LNPK: variants seen among roughly 807,000 people sequenced by gnomAD.
The protein encoded by LNPK is lunapark, ER junction formation factor, also known as endoplasmic reticulum junction formation protein lunapark.
A neutral mutation model predicts 55.2 loss-of-function variants in LNPK; 29 were observed. The ratio of observed to expected loss-of-function variants is 0.53; its 90% CI spans 0.39 to 0.72. LNPK has a LOEUF of 0.72. LNPK is among the 30% of genes least tolerant of loss of function. LNPK has a pLI of 0.00. For missense variants in LNPK, 467 were observed against 494.8 expected (o/e 0.94, Z 0.53); for synonymous variants, 162 against 168.2 (o/e 0.96, Z 0.29).
At chr2:175,985,123 T>A (rs1311059644) in intron 4 of LNPK, among the ~76,000 whole-genome samples, 2 of 152,214 alleles carry the variant, frequency 1.3e-5, no homozygotes, top group Non-Finnish European at 2.9e-5. Flanking sequence ...TGTGAGTCCA[T>A]CTTATAACAT....
chr2:175,989,106 T>G (rs1687573553), intron 4 of LNPK, among the ~76,000 whole-genome samples: 1 of 152,176 alleles, frequency 6.6e-6, no homozygotes, highest in South Asian at 2.1e-4. Context: ...TAGTGTATCA[T>G]GAAATAAACA....
intron 1 of LNPK, 42 bp from the exon 2 acceptor site, chr2:175,995,688 C>T (rs767403218): frequency 5.5e-6 from 5 of 908,192 alleles, no homozygotes; most frequent in Non-Finnish European, 9.0e-6. Flanking sequence ...GTTAAACACA[C>T]AGCATACCCA....
At position 175,929,128 on chromosome 2, in the gene LNPK, G is replaced by T. The variant is rs1033582510; in HGVS notation, c.*839C>A. The T allele has an allele frequency of 1.0e-6, 1 of 984,362 alleles. No individual in the cohort carries two copies. Among genetic ancestry groups the T allele is most frequent in the African/African-American group, 1.7e-5 (1 of 57,228 alleles). 61.0% of individuals were successfully genotyped at this position (984,362 alleles called of 1,614,324 possible). A position where few individuals can be genotyped will look rare whatever the true frequency, so the allele number is the denominator to read the frequency against. On this transcript the variant is annotated 3_prime_UTR_variant, in exon 13 of 13. Transcript: ENST00000272748. ...ATTTAGCAAAATGAAACTGATGCCA[G>T]ATTATTTTCATTTTCCTTAATAAAA... is the stretch of plus-strand genomic sequence containing the variant.
chr2:175,974,990 A>C (rs1485659344), intron 5 of LNPK, among the ~76,000 whole-genome samples: 1 of 147,620 alleles, frequency 6.8e-6, no homozygotes, highest in Admixed American at 6.9e-5. Context: ...GTTCCAAAGG[A>C]CTCTTGAAAA....
intron 9 of LNPK, 26 bp from the exon 10 acceptor site, chr2:175,939,683 A>C (rs765993976): frequency 2.7e-6 from 3 of 1,114,300 alleles, no homozygotes; most frequent in Non-Finnish European, 3.9e-6. Flanking sequence ...ATACATACAA[A>C]ATTTATATAC....
intron 8 of LNPK, among the ~76,000 whole-genome samples, chr2:175,951,126 A>G (rs1259434068): frequency 6.6e-6 from 1 of 152,044 alleles, no homozygotes; most frequent in Non-Finnish European, 1.5e-5. Flanking sequence ...TTATGCTGCT[A>G]GAAGGTTTTG....
At chr2:175,979,483 G>T (rs921414200) in intron 5 of LNPK, among the ~76,000 whole-genome samples, 4 of 152,026 alleles carry the variant, frequency 2.6e-5, no homozygotes, top group Non-Finnish European at 5.9e-5. Flanking sequence ...CACTTGACCT[G>T]GGAGGCGGAG....
At position 175,964,398 on chromosome 2, in the gene LNPK, G is replaced by C. The variant is rs759163033; in HGVS notation, c.467C>G (p.Ala156Gly). ...TTGTCCAGGTCTTGCAGTTACAGCT[G>C]CTCCAGCAGATGGCGGCTCACACTC... ...AKECEPPSAG[A>G]AVTARPGQEI... The change falls in exon 8 of 13, where the codon GCA becomes GGA. Residue 156 changes from alanine to glycine, a missense_variant. By Grantham distance (60) the Ala-to-Gly change is moderately conservative. Transcript: ENST00000272748. 4 of 1,613,528 alleles carry C rather than the reference G, an allele frequency of 2.5e-6. No individual in the cohort carries two copies. The South Asian group carries it at 3.3e-5, about 13-fold the overall frequency.
At chr2:175,993,000 ACTT>A (rs1687771099) in intron 3 of LNPK, among the ~76,000 whole-genome samples, 179 bp downstream of exon 3, 1 of 152,140 alleles carries the variant, frequency 6.6e-6, no homozygotes, top group Admixed American at 6.5e-5. Flanking sequence ...CTTGAAACAG[ACTT>A]CTTAAGTCAC....
rs1271736782 is a variant in LNPK, at chr2:175,947,498, T to A, written c.688A>T (p.Thr230Ser). The change falls in exon 9 of 13, where the codon ACT becomes TCT. Residue 230 changes from threonine (T) to serine (S), a missense_variant. Physicochemically the swap from Thr to Ser is moderately conservative, Grantham distance 58. Transcript: ENST00000272748. ...VLPRHLGSPATSVPGMGLHPP... is the reference protein window; with the variant it reads ...VLPRHLGSPASSVPGMGLHPP... ...TGTTTACCCATTCCAGGCACTGAAGTAGCAGGGGATCCAAGATGTCTTGGT... is the reference window on the plus strand; with the variant it reads ...TGTTTACCCATTCCAGGCACTGAAGAAGCAGGGGATCCAAGATGTCTTGGT... 8 of 1,613,314 alleles carry A rather than the reference T, an allele frequency of 5.0e-6. No homozygotes were observed. Among genetic ancestry groups the A allele is most frequent in the Non-Finnish European group, 6.8e-6 (8 of 1,179,736 alleles).
At position 175,948,568 on chromosome 2, in the gene LNPK, C is replaced by T. The variant is rs537620933; in HGVS notation, c.494-876G>A. On this transcript the variant is annotated intron_variant, in intron 8 of 12. Coordinates refer to ENST00000272748, the MANE Select transcript of LNPK (RefSeq NM_030650.3). The stretch of plus-strand genomic sequence containing the variant: ...ATTGAATTCTATTATTCTCTATTCC[C>T]ACCAATATTTTACTTGAATGTCAGT... 2.0e-5 allele frequency among the ~76,000 whole-genome samples: 3 copies of T among 152,294 alleles called. No individual in the cohort carries two copies. In the South Asian group the frequency reaches 6.2e-4, roughly 32 times the overall value.
intron 9 of LNPK, among the ~76,000 whole-genome samples, chr2:175,947,026 A>G (rs1006540996): frequency 2.6e-5 from 4 of 152,128 alleles, no homozygotes; most frequent in African/African-American, 9.7e-5. Flanking sequence ...AAAAAAATCT[A>G]CTAGCCCACA....
At position 176,002,178 on chromosome 2, in the gene LNPK, GC is replaced by G; in HGVS notation, c.-82del. The G allele has an allele frequency of 2.2e-6, 1 of 444,492 alleles. No individual in the cohort carries two copies. The highest frequency in any genetic ancestry group is 2.4e-5 in the Admixed American group (1 of 41,374). The allele number at this position is 444,492 out of a possible 1,614,324, so 27.5% of individuals were successfully genotyped here. A position where few individuals can be genotyped will look rare whatever the true frequency, so the allele number is the denominator to read the frequency against. ...GTTCTACCTGCAAGAAGCGGGCGCA[GC>G]CCGGCCCGGGCGTCCACCCCCGCCA... On this transcript the variant is annotated 5_prime_UTR_variant, in exon 1 of 13. Transcript: ENST00000272748.
At chr2:175,981,730 T>G (rs547354776) in intron 4 of LNPK, among the ~76,000 whole-genome samples, 1 of 152,312 alleles carries the variant, frequency 6.6e-6, no homozygotes, top group South Asian at 2.1e-4. Context: ...AATGACTTTA[T>G]CTACAGTGAT....
chr2:175,940,810 A>T (rs1684799969), intron 9 of LNPK, among the ~76,000 whole-genome samples: 1 of 152,214 alleles, frequency 6.6e-6, no homozygotes, highest in Admixed American at 6.5e-5. Context: ...GACATAAAAA[A>T]ATGTAAAACT....
At chr2:175,936,545 A>G (rs566801357) in intron 12 of LNPK, among the ~76,000 whole-genome samples, 238 of 152,288 alleles carry the variant, frequency 1.6e-3, no homozygotes, top group African/African-American at 5.6e-3. Flanking sequence ...ACATAGCAAC[A>G]AAACATTATG....
At chr2:175,997,778 C>T (rs563466696) in intron 1 of LNPK, among the ~76,000 whole-genome samples, 1 of 150,966 alleles carries the variant, frequency 6.6e-6, no homozygotes, top group South Asian at 2.1e-4. Context: ...CACTGACACC[C>T]AGGCTGGAGT....
chr2:175,978,743 A>G (rs1203359457), intron 5 of LNPK, among the ~76,000 whole-genome samples: 1 of 152,250 alleles, frequency 6.6e-6, no homozygotes, highest in Non-Finnish European at 1.5e-5. Flanking sequence ...AGCTGCTTCA[A>G]TGAGATTAAA....
chr2:175,951,041 T>G (rs1237494548), intron 8 of LNPK, among the ~76,000 whole-genome samples: 1 of 152,186 alleles, frequency 6.6e-6, no homozygotes, highest in Non-Finnish European at 1.5e-5. Flanking sequence ...AGCTTGCCAT[T>G]AAATAATATT....
Sources: allele counts gnomAD v4.1 joint callset (sites outside exome capture counted in the v4.1 genomes callset), GRCh38; gene constraint gnomAD v4.1.1; transcripts MANE v1.5; gene names NCBI Gene and HGNC (gene_info 2026-07-23, HGNC 2026-07-21).